COL19A1: variants seen among roughly 807,000 people sequenced by gnomAD.
The protein encoded by COL19A1 is collagen type XIX alpha 1 chain.
In COL19A1, 159 loss-of-function variants were observed where a neutral mutation model predicts 190.2. That is an observed-to-expected ratio of 0.84 (90% confidence interval 0.73 to 0.95). COL19A1 has a LOEUF of 0.95. COL19A1 is among the 40% of genes least tolerant of loss of function. COL19A1 has a pLI of 0.00. For synonymous variants in COL19A1, 509 were observed against 458.9 expected (o/e 1.11, Z -1.39); for missense variants, 1,418 against 1,431.9 (o/e 0.99, Z 0.16).
chr6:70,192,940 G>T (rs1477041112), intron 48 of COL19A1, among the ~76,000 whole-genome samples: 1 of 152,062 alleles, frequency 6.6e-6, no homozygotes, highest in Non-Finnish European at 1.5e-5. Flanking sequence ...AATCCCTATG[G>T]GCTGTAGTGT....
At chr6:70,192,520 T>C (rs1238354776) in intron 48 of COL19A1, among the ~76,000 whole-genome samples, 1 of 151,958 alleles carries the variant, frequency 6.6e-6, no homozygotes. Flanking sequence ...TTTTGACCCT[T>C]GAATCAAACA....
In COL19A1 at chr6:70,180,518, A is replaced by T; in HGVS notation, c.2770A>T (p.Lys924Ter). Residue 924 changes from lysine (K) to a stop codon, truncating the protein, a stop_gained, in exon 44 of 51, where the codon AAG becomes TAG. Coordinates refer to ENST00000620364, the MANE Select transcript of COL19A1 (RefSeq NM_001858.6). LOFTEE classifies it high-confidence loss of function. ...CCCTGGACCAGAAGGACCCTCAGGA[A>T]AGCCAGTAAGTACTTCTTACTACTT... ...GFPGPEGPSG[K>*]PGINGKDGIP... is the part of the protein sequence containing the mutation. 6.2e-7 allele frequency: 1 copy of T among 1,614,142 alleles called. No homozygotes were observed. Among genetic ancestry groups the T allele is most frequent in the Non-Finnish European group, 8.5e-7 (1 of 1,180,004 alleles).
Position 70,180,370 on chromosome 6 carries a change from T to C in COL19A1, c.2712+14T>C, listed in dbSNP as rs1766094351. On this transcript the variant is annotated intron_variant, in intron 43 of 50. Transcript: ENST00000620364. ...CCAGGGGAACCGGTGAGTTGGCAGTTACTTTCATGACAGTTGTACTTGTGT... is the reference window on the plus strand; with the variant it reads ...CCAGGGGAACCGGTGAGTTGGCAGTCACTTTCATGACAGTTGTACTTGTGT... 1 of 1,614,164 alleles carries C rather than the reference T, an allele frequency of 6.2e-7. No homozygotes were observed. The highest frequency in any genetic ancestry group is 8.5e-7 in the Non-Finnish European group (1 of 1,180,014).
chr6:69,970,294 G>A (rs781692452), intron 11 of COL19A1, among the ~76,000 whole-genome samples: 24 of 152,072 alleles, frequency 1.6e-4, no homozygotes, highest in Non-Finnish European at 2.6e-4. Flanking sequence ...TTATATAGTG[G>A]GACTTGCAGA....
intron 11 of COL19A1, among the ~76,000 whole-genome samples, chr6:70,007,421 A>G (rs1379084581): frequency 2.6e-5 from 4 of 152,084 alleles, no homozygotes; most frequent in East Asian, 1.9e-4. Context: ...CACAAGAAAT[A>G]TGGAGTGAGT....
At chr6:70,022,172 A>T (rs1778451512) in intron 11 of COL19A1, among the ~76,000 whole-genome samples, 1 of 152,176 alleles carries the variant, frequency 6.6e-6, no homozygotes, top group Non-Finnish European at 1.5e-5. Flanking sequence ...AGGAAAAATG[A>T]AGGAAGAAAA....
intron 15 of COL19A1, among the ~76,000 whole-genome samples, chr6:70,096,509 T>C (rs1355740109): frequency 6.6e-6 from 1 of 152,170 alleles, no homozygotes; most frequent in Non-Finnish European, 1.5e-5. Context: ...TTTTATTCCT[T>C]TAACAAAGTT....
intron 16 of COL19A1, among the ~76,000 whole-genome samples, chr6:70,118,980 T>C (rs754508028): frequency 2.0e-5 from 3 of 152,228 alleles, no homozygotes; most frequent in Non-Finnish European, 4.4e-5. Flanking sequence ...ATATGACCAG[T>C]CTGTAAAGGA....
At chr6:70,178,892 T>C (rs764336654) in intron 42 of COL19A1, among the ~76,000 whole-genome samples, 2 of 152,178 alleles carry the variant, frequency 1.3e-5, no homozygotes, top group Non-Finnish European at 2.9e-5. Context: ...TGAGTGCTGG[T>C]CGTGGGGTGG....
chr6:69,942,740 A>ATGTGTGTGTGTGTGTG (rs35406948), intron 9 of COL19A1, among the ~76,000 whole-genome samples: 148 of 146,678 alleles, frequency 1.0e-3, no homozygotes, highest in African/African-American at 3.6e-3. Context: ...CATTGTGTGT[A>ATGTGTGTGTGTGTGTG]TGTGTGTGTG....
Position 69,921,511 on chromosome 6 carries a change from T to TATATCCATATATATTC in COL19A1, c.267-6396_267-6395insATCCATATATATTCAT, listed in dbSNP as rs1561998779. Reference sequence around the variant, plus strand: ...ATTCATATATATTCATATATATTCATATGTATATTCATATATATTCATGTA... The same window carrying TATATCCATATATATTC: ...ATTCATATATATTCATATATATTCATATATCCATATATATTCATGTATATTCATATATATTCATGTA... On this transcript the variant is annotated intron_variant, in intron 4 of 50. Coordinates refer to ENST00000620364, the MANE Select transcript of COL19A1 (RefSeq NM_001858.6). Among the ~76,000 whole-genome samples, 20 of 100,384 alleles carry TATATCCATATATATTC rather than the reference T, an allele frequency of 2.0e-4. 1 individual carries two copies. The highest frequency in any genetic ancestry group is 8.2e-4 in the African/African-American group (20 of 24,362). 65.9% of individuals were successfully genotyped at this position (100,384 alleles called of 152,430 possible).
At chr6:69,956,939 A>G (rs974936754) in intron 9 of COL19A1, among the ~76,000 whole-genome samples, 7 of 152,024 alleles carry the variant, frequency 4.6e-5, no homozygotes, top group Non-Finnish European at 1.0e-4. Context: ...TCAAAGGCTG[A>G]ATGTCTAACT....
chr6:70,134,536 A>G (rs536133448), intron 18 of COL19A1, among the ~76,000 whole-genome samples: 1 of 152,350 alleles, frequency 6.6e-6, no homozygotes, highest in Admixed American at 6.5e-5. Context: ...TATAGGTGGT[A>G]TGTAGACATA....
chr6:70,132,406 C>A (rs1785578408), intron 18 of COL19A1, among the ~76,000 whole-genome samples: 1 of 152,072 alleles, frequency 6.6e-6, no homozygotes, highest in East Asian at 1.9e-4. Context: ...CTCAAAACAA[C>A]CAACCAAACA....
At chr6:69,999,642 A>G (rs1024453602) in intron 11 of COL19A1, among the ~76,000 whole-genome samples, 2 of 152,188 alleles carry the variant, frequency 1.3e-5, no homozygotes. Flanking sequence ...AGAAATAAAG[A>G]GCACTGAAAT....
intron 11 of COL19A1, among the ~76,000 whole-genome samples, chr6:69,995,595 C>A (rs1776860707): frequency 6.6e-6 from 1 of 151,582 alleles, no homozygotes; most frequent in Non-Finnish European, 1.5e-5. Context: ...GTCTTTCTAT[C>A]TGGAATTCCA....
At chr6:70,199,562 A>G (rs749591538) in intron 48 of COL19A1, 46 bp from the exon 49 acceptor site, 1 of 1,329,640 alleles carries the variant, frequency 7.5e-7, no homozygotes. Flanking sequence ...TTTGACATAA[A>G]ATATTTCTGT....
intron 11 of COL19A1, among the ~76,000 whole-genome samples, chr6:69,997,696 G>A (rs1319140750): frequency 1.3e-5 from 2 of 151,888 alleles, no homozygotes; most frequent in Admixed American, 6.6e-5. Flanking sequence ...AAAGAAAGAC[G>A]AGAAAGAAAA....
chr6:69,906,064 G>A (rs1211752655), intron 4 of COL19A1, among the ~76,000 whole-genome samples: 1 of 152,002 alleles, frequency 6.6e-6, no homozygotes, highest in Non-Finnish European at 1.5e-5. Flanking sequence ...AGGGGAAATT[G>A]GTAAAATACT....
Sources: allele counts gnomAD v4.1 joint callset (sites outside exome capture counted in the v4.1 genomes callset), GRCh38; gene constraint gnomAD v4.1.1; transcripts MANE v1.5; gene names NCBI Gene and HGNC (gene_info 2026-07-23, HGNC 2026-07-21).